The following ZDHHC11B variants were observed in gnomAD, a reference collection of about 807,000 sequenced individuals.
ZDHHC11B encodes probable palmitoyltransferase ZDHHC11B.
ZDHHC11B carries 17 observed loss-of-function variants against 42.3 expected under a neutral mutation model. The observed-to-expected ratio is 0.40, with a 90% CI of 0.27 to 0.60. ZDHHC11B has a LOEUF of 0.60. Among genes scored for constraint, ZDHHC11B ranks in the 20% least tolerant of loss-of-function variants. ZDHHC11B has a pLI of 0.41. For missense variants in ZDHHC11B, 262 were observed against 463.2 expected (o/e 0.57, Z 3.99); for synonymous variants, 123 against 193.5 (o/e 0.64, Z 3.02).
chr5:734,368 G>A (rs1313299070), intron 10 of ZDHHC11B, among the ~76,000 whole-genome samples: 3 of 94,536 alleles, frequency 3.2e-5, no homozygotes, highest in Non-Finnish European at 6.2e-5. Flanking sequence ...CTGGCTGGAG[G>A]CCAATCAGCT....
chr5:759,374 T>A (rs112751561), intron 4 of ZDHHC11B, among the ~76,000 whole-genome samples: 4,960 of 151,332 alleles, frequency 0.033, 145 homozygotes, highest in Non-Finnish European at 0.05. Context: ...TGCGGTCACG[T>A]CTTGTCGTCT....
chr5:777,240 T>TC (rs1172372688), intron 1 of ZDHHC11B, among the ~76,000 whole-genome samples: 2 of 151,842 alleles, frequency 1.3e-5, no homozygotes, highest in African/African-American at 2.4e-5. Context: ...GTGTTACAGC[T>TC]CTTCAAGGTG....
chr5:746,512 C>T (rs1272276797), intron 8 of ZDHHC11B, among the ~76,000 whole-genome samples: 2 of 133,002 alleles, frequency 1.5e-5, no homozygotes, highest in African/African-American at 5.0e-5. Flanking sequence ...TTCTGCCACA[C>T]TTGGTCTGGG....
intron 1 of ZDHHC11B, among the ~76,000 whole-genome samples, chr5:778,328 C>T (rs550216632): frequency 6.6e-5 from 10 of 151,548 alleles, no homozygotes; most frequent in African/African-American, 2.4e-4. Flanking sequence ...GACCTGCCTC[C>T]ATTAAAGGCA....
At chr5:732,790 G>A in intron 11 of ZDHHC11B, 1 of 289,996 alleles carries the variant, frequency 3.4e-6, no homozygotes, top group African/African-American at 2.2e-5. Flanking sequence ...TGTGCTATTA[G>A]AGGCTCACGC....
At chr5:717,929 GC>G (rs1741879464) in intron 12 of ZDHHC11B, among the ~76,000 whole-genome samples, 1 of 151,776 alleles carries the variant, frequency 6.6e-6, no homozygotes, top group Non-Finnish European at 1.5e-5. Context: ...GGGAGGGTCT[GC>G]CACCAGATTA....
chr5:713,798 G>C (rs1315546635), intron 13 of ZDHHC11B, among the ~76,000 whole-genome samples: 3 of 151,924 alleles, frequency 2.0e-5, no homozygotes, highest in African/African-American at 7.2e-5. Context: ...GTAGAGAAGT[G>C]AGTTGCTTCT....
chr5:765,511 A>G (rs1350371733), intron 4 of ZDHHC11B, among the ~76,000 whole-genome samples: 6 of 152,042 alleles, frequency 3.9e-5, no homozygotes, highest in Admixed American at 2.0e-4. Flanking sequence ...CAGACCAATC[A>G]GCTCTCTGTA....
intron 7 of ZDHHC11B, among the ~76,000 whole-genome samples, chr5:750,025 A>G (rs1363257089): frequency 9.0e-6 from 1 of 110,670 alleles, no homozygotes; most frequent in African/African-American, 3.2e-5. Context: ...TCCTTGAAAA[A>G]AATGTCACAC....
chr5:731,481 GC>G (rs1743014196), intron 11 of ZDHHC11B, among the ~76,000 whole-genome samples: 1 of 150,486 alleles, frequency 6.6e-6, no homozygotes, highest in Non-Finnish European at 1.5e-5. Flanking sequence ...ATGATGTTGA[GC>G]ACCATTTTGT....
chr5:720,363 G>T (rs1357387314), intron 12 of ZDHHC11B, among the ~76,000 whole-genome samples: 6 of 151,806 alleles, frequency 4.0e-5, no homozygotes, highest in Admixed American at 3.9e-4. Flanking sequence ...AGGCAGTGGG[G>T]TGACATATTT....
intron 1 of ZDHHC11B, among the ~76,000 whole-genome samples, chr5:783,359 G>T (rs1185871729): frequency 2.6e-5 from 4 of 152,392 alleles, no homozygotes; most frequent in African/African-American, 9.6e-5. Context: ...TCCACTTCCT[G>T]CCCCTTCCCG....
intron 1 of ZDHHC11B, among the ~76,000 whole-genome samples, chr5:779,662 CCAGAT>C: frequency 6.7e-6 from 1 of 149,292 alleles, no homozygotes; most frequent in African/African-American, 2.5e-5. Flanking sequence ...GGGCTGTCCT[CCAGAT>C]CAGATCTAGA....
intron 1 of ZDHHC11B, among the ~76,000 whole-genome samples, chr5:773,586 G>T (rs1485195594): frequency 7.2e-5 from 11 of 151,850 alleles, no homozygotes; most frequent in Admixed American, 5.9e-4. Context: ...CAGGCCTGTG[G>T]CTTGCATCCA....
chr5:732,725 C>A, intron 11 of ZDHHC11B: 1 of 419,950 alleles, frequency 2.4e-6, no homozygotes, highest in South Asian at 1.7e-5. Flanking sequence ...CCTCACAAAT[C>A]CTGCTCAAAA....
At chr5:729,012 C>CAAAAAA (rs751272226) in intron 12 of ZDHHC11B, among the ~76,000 whole-genome samples, 12 of 134,892 alleles carry the variant, frequency 8.9e-5, no homozygotes, top group African/African-American at 1.6e-4. Flanking sequence ...GACCCTGTCT[C>CAAAAAA]AAAAAAAAAA....
intron 12 of ZDHHC11B, among the ~76,000 whole-genome samples, chr5:717,544 T>C (rs1468861043): frequency 6.6e-6 from 1 of 151,770 alleles, no homozygotes; most frequent in Non-Finnish European, 1.5e-5. Flanking sequence ...ACTAGGGACT[T>C]CTAAATCAAA....
At chr5:735,893 A>G (rs1743459280) in intron 10 of ZDHHC11B, among the ~76,000 whole-genome samples, 2 of 148,460 alleles carry the variant, frequency 1.3e-5, no homozygotes, top group African/African-American at 2.5e-5. Context: ...AGGACTGAGA[A>G]AACAGTAACA....
chr5:751,563 TG>T (rs1745752370), intron 6 of ZDHHC11B, among the ~76,000 whole-genome samples: 1 of 9,804 alleles, frequency 1.0e-4, no homozygotes, highest in Admixed American at 1.2e-3. Context: ...GCAGGGCAGG[TG>T]GGGGGTGCAG....
Sources: gnomAD v4.1 joint callset for allele counts (sites outside exome capture counted in the v4.1 genomes callset) on GRCh38, gnomAD v4.1.1 for gene constraint, MANE v1.5 for transcripts, NCBI Gene and HGNC (gene_info 2026-07-23, HGNC 2026-07-21) for gene names.